RANBP17: variants seen among roughly 807,000 people sequenced by gnomAD.
RANBP17 encodes the protein RAN binding protein 17.
A neutral mutation model predicts 141.2 loss-of-function variants in RANBP17; 158 were observed. That is an observed-to-expected ratio of 1.12 (90% CI 0.98 to 1.28). The LOEUF (loss-of-function observed/expected upper bound fraction) is 1.28, where lower values mean the gene tolerates loss of function less well. Ranked by LOEUF, RANBP17 falls within the 50% of genes most tolerant of loss-of-function variation. The probability of loss-of-function intolerance (pLI) is 0.00; values close to 1 mark genes in which losing one functional copy is unlikely to be tolerated. For missense variants in RANBP17, 1,438 were observed against 1,290.7 expected (o/e 1.11, Z -1.75); for synonymous variants, 430 against 450.0 (o/e 0.96, Z 0.56).
At chr5:170,934,651 G>A (rs1048761926) in intron 12 of RANBP17, among the ~76,000 whole-genome samples, 4 of 152,178 alleles carry the variant, frequency 2.6e-5, no homozygotes, top group Non-Finnish European at 1.5e-5. Flanking sequence ...CTTCTGGCTT[G>A]TAGAGTTTCT....
chr5:170,956,261 A>G (rs1775684810), intron 13 of RANBP17, among the ~76,000 whole-genome samples: 1 of 151,950 alleles, frequency 6.6e-6, no homozygotes, highest in South Asian at 2.1e-4. Flanking sequence ...CCTATTAAAG[A>G]CCTTAAAATT....
At chr5:171,135,236 A>C (rs1388310869) in intron 14 of RANBP17, among the ~76,000 whole-genome samples, 3 of 150,488 alleles carry the variant, frequency 2.0e-5, no homozygotes, top group South Asian at 2.1e-4. Context: ...GCTGAGATCA[A>C]GCCACTGCAC....
intron 14 of RANBP17, among the ~76,000 whole-genome samples, chr5:171,000,487 C>T (rs1317582871): frequency 2.0e-5 from 3 of 152,300 alleles, no homozygotes; most frequent in Admixed American, 6.5e-5. Flanking sequence ...AGCTTTTTAA[C>T]TTGAAAGGTC....
chr5:171,106,812 A>G (rs1265855571), intron 14 of RANBP17, among the ~76,000 whole-genome samples: 2 of 152,176 alleles, frequency 1.3e-5, no homozygotes, highest in African/African-American at 4.8e-5. Flanking sequence ...GGGGAAATAG[A>G]TGATGTAAGA....
chr5:170,932,714 T>C (rs1773499889), intron 12 of RANBP17, among the ~76,000 whole-genome samples: 1 of 152,170 alleles, frequency 6.6e-6, no homozygotes, highest in African/African-American at 2.4e-5. Context: ...ATTACATTTA[T>C]TGATTTGCAT....
intron 14 of RANBP17, among the ~76,000 whole-genome samples, chr5:171,054,086 T>G (rs1350229774): frequency 1.3e-5 from 2 of 151,908 alleles, no homozygotes; most frequent in Admixed American, 1.3e-4. Flanking sequence ...AGTTACTGTT[T>G]GCATAGAATA....
intron 24 of RANBP17, among the ~76,000 whole-genome samples, chr5:171,264,874 A>G (rs1207896758): frequency 6.6e-6 from 1 of 152,108 alleles, no homozygotes; most frequent in Admixed American, 6.6e-5. Flanking sequence ...GTCCTTCCTT[A>G]TGTCTAATTG....
chr5:171,242,949 A>AT, intron 24 of RANBP17, 129 bp downstream of exon 24: 1 of 841,360 alleles, frequency 1.2e-6, no homozygotes, highest in Non-Finnish European at 1.9e-6. Flanking sequence ...AAAGATTATA[A>AT]TTATTACTTG....
At chr5:171,078,156 CTG>C (rs1561627750) in intron 14 of RANBP17, among the ~76,000 whole-genome samples, 1 of 132,652 alleles carries the variant, frequency 7.5e-6, no homozygotes, top group African/African-American at 2.8e-5. Flanking sequence ...TTTTTTGAGA[CTG>C]AGTCTCACTG....
At chr5:170,968,857 T>C (rs990937712) in intron 14 of RANBP17, 2 of 334,822 alleles carry the variant, frequency 6.0e-6, no homozygotes, top group Non-Finnish European at 1.1e-5. Flanking sequence ...ACTCATAGTA[T>C]GATAATTGAA....
At chr5:170,965,363 A>C (rs981787232) in intron 13 of RANBP17, among the ~76,000 whole-genome samples, 2 of 151,364 alleles carry the variant, frequency 1.3e-5, no homozygotes, top group Non-Finnish European at 3.0e-5. Flanking sequence ...GTTCACTCTG[A>C]TGGTGGTTTC....
At chr5:171,051,927 TATG>T (rs1782978054) in intron 14 of RANBP17, among the ~76,000 whole-genome samples, 1 of 152,188 alleles carries the variant, frequency 6.6e-6, no homozygotes, top group Non-Finnish European at 1.5e-5. Context: ...GTTGTTGTTT[TATG>T]TTATTGTAGC....
chr5:171,201,467 C>A (rs1031840354), intron 19 of RANBP17, among the ~76,000 whole-genome samples: 18 of 152,220 alleles, frequency 1.2e-4, no homozygotes, highest in African/African-American at 3.9e-4. Flanking sequence ...CGAACCAAGG[C>A]CACACAGTGC....
intron 26 of RANBP17, 131 bp from the exon 27 acceptor site, chr5:171,295,756 G>T: frequency 1.1e-6 from 1 of 890,108 alleles, no homozygotes. Context: ...AGTTCAAAGT[G>T]GACCTAGACA....
intron 24 of RANBP17, chr5:171,251,767 GCCCGCC>G: frequency 1.0e-6 from 1 of 969,706 alleles, no homozygotes; most frequent in Non-Finnish European, 1.6e-6. Flanking sequence ...CTCCTCCCGC[GCCCGCC>G]CCCGCCTCTG....
intron 25 of RANBP17, among the ~76,000 whole-genome samples, chr5:171,292,306 G>A (rs947571806): frequency 5.3e-5 from 8 of 152,154 alleles, no homozygotes; most frequent in East Asian, 1.9e-4. Flanking sequence ...CGTTTAGAAC[G>A]GCAAAGAAGC....
chr5:170,908,468 C>G (rs1771251864), intron 5 of RANBP17, among the ~76,000 whole-genome samples: 2 of 151,420 alleles, frequency 1.3e-5, no homozygotes, highest in Admixed American at 1.3e-4. Context: ...ACACTAGATA[C>G]TTGTGGACAT....
At chr5:171,056,037 A>G (rs1416965807) in intron 14 of RANBP17, among the ~76,000 whole-genome samples, 1 of 152,192 alleles carries the variant, frequency 6.6e-6, no homozygotes, top group South Asian at 2.1e-4. Flanking sequence ...TTACAGGAAA[A>G]TACTTTATTC....
At chr5:171,193,729 T>A (rs773779259) in intron 18 of RANBP17, among the ~76,000 whole-genome samples, 1 of 152,180 alleles carries the variant, frequency 6.6e-6, no homozygotes, top group Non-Finnish European at 1.5e-5. Context: ...ATCCTTCCCA[T>A]GCTGCCATCT....
Sources: gnomAD v4.1 joint callset for allele counts (sites outside exome capture counted in the v4.1 genomes callset) on GRCh38, gnomAD v4.1.1 for gene constraint, MANE v1.5 for transcripts, NCBI Gene and HGNC (gene_info 2026-07-23, HGNC 2026-07-21) for gene names.